Variants in MERTK observed in about 807,000 individuals in gnomAD.
The protein encoded by MERTK is tyrosine-protein kinase Mer.
A neutral mutation model predicts 99.3 loss-of-function variants in MERTK; 69 were observed. The observed-to-expected ratio is 0.70, with a 90% CI of 0.57 to 0.85. The LOEUF is 0.85. Ranked by LOEUF, MERTK falls within the 40% of genes least tolerant of loss-of-function variation. The pLI is 0.00. For synonymous variants in MERTK, 426 were observed against 467.6 expected, an observed-to-expected ratio of 0.91 and a Z score of 1.15; for missense variants, 1,125 against 1,249.4, an observed-to-expected ratio of 0.90 and a Z score of 1.50.
At chr2:111,933,477 A>G (rs1261241206) in intron 2 of MERTK, among the ~76,000 whole-genome samples, 2 of 152,216 alleles carry the variant, frequency 1.3e-5, no homozygotes, top group African/African-American at 4.8e-5. Flanking sequence ...GAGAACATAG[A>G]TGTATATTGG....
intron 8 of MERTK, 97 bp downstream of exon 8, chr2:111,983,090 T>A: frequency 6.9e-7 from 1 of 1,445,624 alleles, no homozygotes; most frequent in South Asian, 1.2e-5. Flanking sequence ...TGAAAAGACC[T>A]GGTGTGATTG....
intron 10 of MERTK, among the ~76,000 whole-genome samples, chr2:112,000,529 G>A (rs778534539): frequency 7.9e-5 from 12 of 152,174 alleles, no homozygotes; most frequent in Non-Finnish European, 1.3e-4. Context: ...CAATGTGTTC[G>A]ATGTTTTGCT....
chr2:111,999,589 C>T (rs1676825310), intron 10 of MERTK, among the ~76,000 whole-genome samples: 1 of 152,198 alleles, frequency 6.6e-6, no homozygotes, highest in Non-Finnish European at 1.5e-5. Context: ...GCATGAATCC[C>T]AGCCTTATTT....
intron 2 of MERTK, among the ~76,000 whole-genome samples, chr2:111,944,470 T>TTA (rs1684921329): frequency 1.3e-5 from 2 of 152,306 alleles, no homozygotes; most frequent in Admixed American, 6.5e-5. Flanking sequence ...AATTAACTCC[T>TTA]AAATTATTTA....
chr2:112,003,475 T>C (rs1676911360), intron 12 of MERTK: 3 of 341,928 alleles, frequency 8.8e-6, no homozygotes, highest in African/African-American at 6.3e-5. Flanking sequence ...CTATGTACTT[T>C]AAGTTTATTC....
intron 6 of MERTK, among the ~76,000 whole-genome samples, chr2:111,969,648 C>T (rs529482738): frequency 9.2e-5 from 14 of 151,848 alleles, no homozygotes; most frequent in African/African-American, 3.1e-4. Context: ...CTGTATTATC[C>T]GTAAAATAGC....
chr2:111,991,649 G>A (rs1460210612), intron 8 of MERTK, among the ~76,000 whole-genome samples: 2 of 152,128 alleles, frequency 1.3e-5, no homozygotes, highest in African/African-American at 2.4e-5. Flanking sequence ...GTCCAGTGGG[G>A]TAGAAAAACC....
chr2:112,027,484 C>T (rs1677491381), intron 18 of MERTK, among the ~76,000 whole-genome samples: 1 of 152,116 alleles, frequency 6.6e-6, no homozygotes. Flanking sequence ...TCTTACTGTG[C>T]TCCATTAAAT....
At position 111,929,472 on chromosome 2, in the gene MERTK, T is replaced by C; in HGVS notation, c.414T>C (p.Leu138=). 1.2e-6 allele frequency: 2 copies of C among 1,614,170 alleles called. No homozygotes were observed. The highest frequency in any genetic ancestry group is 1.7e-6 in the Non-Finnish European group (2 of 1,180,018). ...ISWWKDGKEL[L]GAHHAITQFY... ...GGTGGAAAGATGGGAAGGAATTGCT[T>C]GGGGCACATCATGCAATTACACAGT... The change falls in exon 2 of 19, where the codon CTT becomes CTC. Residue 138 remains leucine (L), a synonymous_variant. Coordinates refer to ENST00000295408, the MANE Select transcript of MERTK (RefSeq NM_006343.3).
Position 111,970,541 on chromosome 2 carries a change from G to A in MERTK, c.960+2289G>A, listed in dbSNP as rs142604641. On this transcript the variant is annotated intron_variant, in intron 6 of 18. Transcript: ENST00000295408. ...GTTTAGTATATTCAAGAATTGTGCA[G>A]CCATTACCACTATCTAATTGTGTCT... Among the ~76,000 whole-genome samples the A allele has an allele frequency of 6.4e-3, 982 of 152,272 alleles. 13 individuals carry two copies. Among genetic ancestry groups the A allele is most frequent in the African/African-American group, 0.023 (946 of 41,536 alleles).
At chr2:111,988,816 G>T (rs1676547157) in intron 8 of MERTK, among the ~76,000 whole-genome samples, 1 of 152,178 alleles carries the variant, frequency 6.6e-6, no homozygotes, top group Non-Finnish European at 1.5e-5. Flanking sequence ...CAGCCTGGTG[G>T]CGGGCACCTG....
chr2:112,003,818 G>A, intron 12 of MERTK, 86 bp from the exon 13 acceptor site: 2 of 1,259,528 alleles, frequency 1.6e-6, no homozygotes, highest in South Asian at 2.4e-5. Flanking sequence ...CATACCACAT[G>A]AAACCAGCAG....
intron 2 of MERTK, among the ~76,000 whole-genome samples, chr2:111,936,246 G>A (rs1684763311): frequency 6.6e-6 from 1 of 152,056 alleles, no homozygotes; most frequent in Non-Finnish European, 1.5e-5. Context: ...GTATTTTATT[G>A]CATAGATGAT....
intron 4 of MERTK, among the ~76,000 whole-genome samples, chr2:111,948,064 C>T (rs1271168850): frequency 6.6e-6 from 1 of 152,106 alleles, no homozygotes; most frequent in Non-Finnish European, 1.5e-5. Context: ...GTTTTAGTCC[C>T]GCACATCACT....
intron 16 of MERTK, among the ~76,000 whole-genome samples, chr2:112,021,141 T>C (rs1193937264): frequency 6.6e-6 from 1 of 151,698 alleles, no homozygotes; most frequent in Non-Finnish European, 1.5e-5. Context: ...CAGAGTTTGC[T>C]GTGAGCCGAG....
intron 8 of MERTK, among the ~76,000 whole-genome samples, chr2:111,984,416 A>G (rs1676431148): frequency 6.6e-6 from 1 of 152,198 alleles, no homozygotes; most frequent in African/African-American, 2.4e-5. Flanking sequence ...ATCGCAGCTT[A>G]GAGTAATTTT....
At chr2:111,995,866 G>C (rs1360889281) in intron 9 of MERTK, among the ~76,000 whole-genome samples, 6 of 152,148 alleles carry the variant, frequency 3.9e-5, no homozygotes, top group Non-Finnish European at 8.8e-5. Context: ...AGGATAGCTT[G>C]AGCCCAGGAG....
chr2:111,965,333 C>A, intron 5 of MERTK, 56 bp downstream of exon 5: 1 of 1,557,436 alleles, frequency 6.4e-7, no homozygotes, highest in Non-Finnish European at 8.8e-7. Context: ...GAGGGTACAG[C>A]ATGAGCTTGC....
chr2:112,001,178 T>C, intron 10 of MERTK, 23 bp from the exon 11 acceptor site: 1 of 1,576,666 alleles, frequency 6.3e-7, no homozygotes, highest in African/African-American at 1.3e-5. Context: ...TATAGTGAAG[T>C]ATCTTTGTTT....
Sources: allele counts gnomAD v4.1 joint callset (sites outside exome capture counted in the v4.1 genomes callset), GRCh38; gene constraint gnomAD v4.1.1; transcripts MANE v1.5; gene names NCBI Gene and HGNC (gene_info 2026-07-23, HGNC 2026-07-21).